SRGAP3: variants seen among roughly 807,000 people sequenced by gnomAD.
The protein encoded by SRGAP3 is SLIT-ROBO Rho GTPase activating protein 3.
SRGAP3 carries 39 observed loss-of-function variants against 121.1 expected under a neutral mutation model. The ratio of observed to expected loss-of-function variants is 0.32; its 90% CI spans 0.25 to 0.42. The LOEUF (loss-of-function observed/expected upper bound fraction) is 0.42. SRGAP3 is among the 10% of genes least tolerant of loss of function. SRGAP3 has a pLI of 1.00. For synonymous variants in SRGAP3, 601 were observed against 570.0 expected (o/e 1.05, Z -0.77); for missense variants, 1,213 against 1,470.6 (o/e 0.82, Z 2.86).
chr3:9,300,538 C>T (rs1955038510), intron 3 of SRGAP3, among the ~76,000 whole-genome samples: 1 of 152,078 alleles, frequency 6.6e-6, no homozygotes, highest in Non-Finnish European at 1.5e-5. Flanking sequence ...CTCAGCTAGA[C>T]TCTGAATTGT....
intron 17 of SRGAP3, among the ~76,000 whole-genome samples, chr3:9,013,103 A>T (rs891396121): frequency 5.3e-5 from 8 of 152,180 alleles, no homozygotes; most frequent in African/African-American, 1.4e-4. Flanking sequence ...AGGCCATTTG[A>T]GTTGTATGTC....
chr3:9,002,333 A>G (rs1233592781), intron 18 of SRGAP3, among the ~76,000 whole-genome samples: 1 of 152,248 alleles, frequency 6.6e-6, no homozygotes, highest in African/African-American at 2.4e-5. Context: ...TATACAGCAT[A>G]CTGCTAAATA....
chr3:9,254,540 T>C (rs1309609313), upstream of SRGAP3, among the ~76,000 whole-genome samples: 1 of 152,170 alleles, frequency 6.6e-6, no homozygotes, highest in Non-Finnish European at 1.5e-5. Context: ...ATGCCTGTAA[T>C]CCCAGTATTT....
chr3:9,150,413 T>C (rs1950177296), intron 1 of SRGAP3, among the ~76,000 whole-genome samples: 1 of 151,716 alleles, frequency 6.6e-6, no homozygotes, highest in South Asian at 2.1e-4. Context: ...AGGCACTTTT[T>C]CCATGTTTAT....
At chr3:9,041,580 TC>T (rs1172303735) in intron 10 of SRGAP3, among the ~76,000 whole-genome samples, 1 of 152,232 alleles carries the variant, frequency 6.6e-6, no homozygotes, top group Non-Finnish European at 1.5e-5. Flanking sequence ...CTCCATATCC[TC>T]AGTTTAAATT....
chr3:9,342,382 T>C (rs755691363), intron 1 of SRGAP3, among the ~76,000 whole-genome samples: 26 of 152,252 alleles, frequency 1.7e-4, no homozygotes, highest in Non-Finnish European at 3.5e-4. Context: ...AAAAATCATT[T>C]TGATTGTATT....
At chr3:9,245,490 G>A (rs1022374334) in intron 1 of SRGAP3, among the ~76,000 whole-genome samples, 5 of 152,176 alleles carry the variant, frequency 3.3e-5, no homozygotes, top group African/African-American at 9.7e-5. Context: ...ATCATTGTCA[G>A]GGGTTATATT....
rs1264093789 is a variant in SRGAP3 at position 8,990,767 on chromosome 3, C to T, written c.2631G>A (p.Arg877=). 3 of 1,603,996 alleles carry T rather than the reference C, an allele frequency of 1.9e-6. No homozygotes were observed. The highest frequency in any genetic ancestry group is 1.7e-5 in the Admixed American group (1 of 58,942). The change falls in exon 21 of 22, where the codon CGG becomes CGA. Residue 877 remains arginine, a synonymous_variant. Coordinates refer to ENST00000383836, the MANE Select transcript of SRGAP3 (RefSeq NM_014850.4). ...GTGTGTCTATGCTGGGGCCCAGGCC[C>T]CGGGGCGGGCTGTGTGTGTCGCCCC... ...RSGGDTHSPP[R]GLGPSIDTPP...
chr3:9,266,809 G>T (rs1954377028), intron 3 of SRGAP3, among the ~76,000 whole-genome samples: 1 of 152,154 alleles, frequency 6.6e-6, no homozygotes, highest in African/African-American at 2.4e-5. Flanking sequence ...GCCTTACCAG[G>T]CCCCAATAAA....
chr3:9,067,977 G>C (rs1021464137), intron 4 of SRGAP3, among the ~76,000 whole-genome samples: 4 of 152,132 alleles, frequency 2.6e-5, no homozygotes, highest in Admixed American at 2.6e-4. Flanking sequence ...TGTGGCTAAA[G>C]TGTGAGAACG....
intron 9 of SRGAP3, among the ~76,000 whole-genome samples, chr3:9,049,914 G>C (rs958866512): frequency 1.3e-5 from 2 of 151,564 alleles, no homozygotes; most frequent in African/African-American, 4.9e-5. Context: ...GCACACGCCA[G>C]CCAAGTAGCT....
At chr3:9,302,365 C>T (rs1001411842) in intron 3 of SRGAP3, among the ~76,000 whole-genome samples, 1 of 152,210 alleles carries the variant, frequency 6.6e-6, no homozygotes, top group African/African-American at 2.4e-5. Flanking sequence ...TGCTCCCAAA[C>T]ACTCGCTCTA....
intron 8 of SRGAP3, among the ~76,000 whole-genome samples, chr3:9,055,031 T>C (rs1945752854): frequency 6.6e-6 from 1 of 152,234 alleles, no homozygotes; most frequent in African/African-American, 2.4e-5. Context: ...ATCCACATAC[T>C]ATTCCGTGTA....
At chr3:9,030,028 T>C (rs1944401852) in intron 12 of SRGAP3, among the ~76,000 whole-genome samples, 1 of 151,814 alleles carries the variant, frequency 6.6e-6, no homozygotes, top group African/African-American at 2.4e-5. Context: ...GGTGCATGCG[T>C]ATAGCCCCAG....
chr3:9,138,171 T>A (rs1949729236), intron 1 of SRGAP3, among the ~76,000 whole-genome samples: 1 of 152,244 alleles, frequency 6.6e-6, no homozygotes, highest in Non-Finnish European at 1.5e-5. Context: ...CACAGCCATC[T>A]TTACAATGTG....
At chr3:9,236,089 T>C in intron 1 of SRGAP3, 1 of 163,942 alleles carries the variant, frequency 6.1e-6, no homozygotes, top group Middle Eastern at 2.7e-3. Context: ...TTCCACCTAC[T>C]CAGGATTTTA....
In SRGAP3 at chr3:9,124,892, C is replaced by A; in HGVS notation, c.93G>T (p.Gln31His). 6.2e-7 allele frequency: 1 copy of A among 1,614,206 alleles called. No individual in the cohort carries two copies. Among genetic ancestry groups the A allele is most frequent in the Non-Finnish European group, 8.5e-7 (1 of 1,180,042 alleles). ...IKEIRTQLVE[Q>H]FKCLEQQSES... is the part of the protein sequence containing the mutation. ...CTGATTGCTGCTCCAGACATTTGAACTGCTCCACCAGCTGCGTGCGGATCT... is the reference window on the plus strand; with the variant it reads ...CTGATTGCTGCTCCAGACATTTGAAATGCTCCACCAGCTGCGTGCGGATCT... Residue 31 changes from glutamine to histidine, a missense_variant, in exon 2 of 22, where the codon CAG becomes CAT. Coordinates refer to ENST00000383836, the MANE Select transcript of SRGAP3 (RefSeq NM_014850.4).
At position 9,062,918 on chromosome 3, in the gene SRGAP3, G is replaced by A. The variant is rs1192749510; in HGVS notation, c.672+1478C>T. 2.0e-5 allele frequency among the ~76,000 whole-genome samples: 3 copies of A among 152,224 alleles called. No individual in the cohort carries two copies. In the East Asian group the frequency reaches 5.8e-4, roughly 29 times the overall value. ...AATTGTTGAGTCACATGGTAACTTA[G>A]TCTATGTTTAACATTTAGACTGCTT... On this transcript the variant is annotated intron_variant, in intron 5 of 21. Coordinates refer to ENST00000383836, the MANE Select transcript of SRGAP3 (RefSeq NM_014850.4).
chr3:8,985,371 C>T lies in SRGAP3; in HGVS notation c.*148G>A, dbSNP rs942650159. The T allele has an allele frequency of 5.6e-6, 8 of 1,426,306 alleles. No individual in the cohort carries two copies. Among genetic ancestry groups the T allele is most frequent in the South Asian group, 4.4e-5 (3 of 68,786 alleles). The allele number at this position is 1,426,306 out of a possible 1,614,324, so 88.4% of individuals were successfully genotyped here. On this transcript the variant is annotated 3_prime_UTR_variant, in exon 22 of 22. Coordinates refer to ENST00000383836, the MANE Select transcript of SRGAP3 (RefSeq NM_014850.4). The surrounding 1 kb of genome is among the most constrained non-coding windows in gnomAD (Gnocchi z 5.1). ...CTGGACGTGAGCTGCAGCCAGCGCC[C>T]GGGCCTCAGCTCTGCACAGACACAC...
Sources: allele counts gnomAD v4.1 joint callset (sites outside exome capture counted in the v4.1 genomes callset), GRCh38; gene constraint gnomAD v4.1.1; non-coding constraint Gnocchi (gnomAD v3.1); transcripts MANE v1.5; gene names NCBI Gene and HGNC (gene_info 2026-07-23, HGNC 2026-07-21).